The following DLGAP4 variants were observed in gnomAD, a reference collection of about 807,000 sequenced individuals.
DLGAP4 encodes disks large-associated protein 4.
Under a neutral mutation model 86.9 loss-of-function variants are expected in DLGAP4, and 18 were observed. The ratio of observed to expected loss-of-function variants is 0.21; its 90% CI spans 0.14 to 0.31. The LOEUF (loss-of-function observed/expected upper bound fraction) is 0.31, where lower values mean the gene tolerates loss of function less well. Among genes scored for constraint, DLGAP4 ranks in the 10% least tolerant of loss-of-function variants. The pLI is 1.00. For synonymous variants in DLGAP4, 548 were observed against 574.3 expected (o/e 0.95, Z 0.65); for missense variants, 1,085 against 1,362.6 (o/e 0.80, Z 3.21).
intron 2 of DLGAP4, among the ~76,000 whole-genome samples, chr20:36,420,415 A>G (rs1388661486): frequency 6.6e-6 from 1 of 152,194 alleles, no homozygotes; most frequent in Non-Finnish European, 1.5e-5. Context: ...GTGTGGACAC[A>G]GGAGGGAAGA....
At chr20:36,445,831 T>A (rs1432002239) in intron 6 of DLGAP4, among the ~76,000 whole-genome samples, 2 of 152,132 alleles carry the variant, frequency 1.3e-5, no homozygotes, top group African/African-American at 2.4e-5. Flanking sequence ...GGTCTTCAGT[T>A]ACCAACATGG....
At chr20:36,495,474 A>C (rs1416700688) in intron 7 of DLGAP4, among the ~76,000 whole-genome samples, 1 of 152,224 alleles carries the variant, frequency 6.6e-6, no homozygotes, top group Admixed American at 6.5e-5. Context: ...GGCAACAGGC[A>C]GTTGGAGTTA....
chr20:36,524,538 CTAA>C (rs2037584039), intron 11 of DLGAP4, among the ~76,000 whole-genome samples, 197 bp downstream of exon 11: 1 of 152,172 alleles, frequency 6.6e-6, no homozygotes, highest in Non-Finnish European at 1.5e-5. Context: ...TATCAGATCT[CTAA>C]TATCTTTCCA....
At chr20:36,420,476 A>G (rs776186997) in intron 2 of DLGAP4, among the ~76,000 whole-genome samples, 1 of 152,156 alleles carries the variant, frequency 6.6e-6, no homozygotes, top group Non-Finnish European at 1.5e-5. Flanking sequence ...CAAACCATCC[A>G]TGTCCCAAGG....
intron 7 of DLGAP4, among the ~76,000 whole-genome samples, chr20:36,490,771 C>T (rs1453304811): frequency 6.6e-6 from 1 of 152,180 alleles, no homozygotes; most frequent in Non-Finnish European, 1.5e-5. Flanking sequence ...TTCAGCCTGG[C>T]CTCCAAGACA....
At chr20:36,458,398 C>T (rs1018345824) in intron 7 of DLGAP4, among the ~76,000 whole-genome samples, 1 of 124,958 alleles carries the variant, frequency 8.0e-6, no homozygotes, top group Non-Finnish European at 1.6e-5. Context: ...GTTGCCCAGG[C>T]TTGGAGTGCC....
chr20:36,518,813 A>G (rs1220117775), intron 10 of DLGAP4, among the ~76,000 whole-genome samples: 1 of 152,030 alleles, frequency 6.6e-6, no homozygotes, highest in African/African-American at 2.4e-5. Flanking sequence ...TATTTAAAAA[A>G]TAAATAAATA....
At chr20:36,507,978 A>G (rs1478215807) in intron 10 of DLGAP4, 3 of 152,286 alleles carry the variant, frequency 2.0e-5, no homozygotes, top group Non-Finnish European at 4.4e-5. Flanking sequence ...CCCTCGCAGC[A>G]TGGCAGCCTT....
At chr20:36,433,034 T>C (rs1448762802) in intron 3 of DLGAP4, among the ~76,000 whole-genome samples, 1 of 152,134 alleles carries the variant, frequency 6.6e-6, no homozygotes, top group African/African-American at 2.4e-5. Flanking sequence ...ACATTCTAAT[T>C]GCCAGCCTCT....
chr20:36,453,186 G>A (rs996621170), intron 7 of DLGAP4, among the ~76,000 whole-genome samples: 7 of 152,206 alleles, frequency 4.6e-5, no homozygotes, highest in Non-Finnish European at 8.8e-5. Flanking sequence ...AGCTCAGGCC[G>A]GGTACAGTGC....
chr20:36,382,187 T>C (rs916686446), intron 2 of DLGAP4, among the ~76,000 whole-genome samples: 2 of 152,220 alleles, frequency 1.3e-5, no homozygotes, highest in East Asian at 1.9e-4. Context: ...CTATGTGACA[T>C]TTGAGACATT....
At position 36,524,338 on chromosome 20, in the gene DLGAP4, C is replaced by T. The variant is rs1182242351; in HGVS notation, c.2601C>T (p.Asn867=). 1.3e-5 allele frequency: 21 copies of T among 1,612,264 alleles called. No individual in the cohort carries two copies. Among genetic ancestry groups the T allele is most frequent in the Non-Finnish European group, 1.7e-5 (20 of 1,179,018 alleles). ...AGTTCCGGGGCCTCTGTGAGCAAAA[C>T]TTGGTGAGTGTGATTCTCCTTCCTC... ...FQQFRGLCEQ[N]LNPDANPRPT... The change falls in exon 11 of 13, where the codon AAC becomes AAT. Residue 867 remains asparagine (N), a synonymous_variant. Coordinates refer to ENST00000339266, the MANE Select transcript of DLGAP4 (RefSeq NM_001365621.2).
chr20:36,335,112 C>T (rs1417929492), intron 1 of DLGAP4, among the ~76,000 whole-genome samples: 7 of 152,160 alleles, frequency 4.6e-5, no homozygotes. Flanking sequence ...CCTTGCCAAG[C>T]GTTCACCCCA....
chr20:36,456,164 T>G (rs1014691255), intron 7 of DLGAP4, among the ~76,000 whole-genome samples: 1 of 152,148 alleles, frequency 6.6e-6, no homozygotes, highest in African/African-American at 2.4e-5. Context: ...CACACAGACA[T>G]GCACACACAT....
chr20:36,467,844 G>T (rs923424587), intron 7 of DLGAP4, among the ~76,000 whole-genome samples: 1 of 152,186 alleles, frequency 6.6e-6, no homozygotes, highest in African/African-American at 2.4e-5. Flanking sequence ...CCACAAGGGC[G>T]CTCATGAAAT....
At chr20:36,484,872 AAATT>A (rs1330454579) in intron 7 of DLGAP4, among the ~76,000 whole-genome samples, 4 of 152,258 alleles carry the variant, frequency 2.6e-5, no homozygotes, top group African/African-American at 9.6e-5. Context: ...TTAAAATTAT[AAATT>A]AACACCATTT....
intron 7 of DLGAP4, among the ~76,000 whole-genome samples, chr20:36,471,678 G>A (rs1440093329): frequency 6.6e-6 from 1 of 152,092 alleles, no homozygotes; most frequent in Non-Finnish European, 1.5e-5. Context: ...ATCGTGAAAT[G>A]TATTAAAGTG....
At chr20:36,361,894 G>A (rs1259138064) in intron 1 of DLGAP4, among the ~76,000 whole-genome samples, 1 of 150,996 alleles carries the variant, frequency 6.6e-6, no homozygotes, top group Non-Finnish European at 1.5e-5. Flanking sequence ...CAGGAGAATC[G>A]CTTGAACCCG....
intron 1 of DLGAP4, among the ~76,000 whole-genome samples, chr20:36,341,246 G>A (rs1462672211): frequency 1.3e-5 from 2 of 152,154 alleles, no homozygotes; most frequent in African/African-American, 2.4e-5. Flanking sequence ...CTCTCCACCC[G>A]AGTGTACTTT....
Sources: allele counts gnomAD v4.1 joint callset (sites outside exome capture counted in the v4.1 genomes callset), GRCh38; gene constraint gnomAD v4.1.1; transcripts MANE v1.5; gene names NCBI Gene and HGNC (gene_info 2026-07-23, HGNC 2026-07-21).